SMYD3: variants seen among roughly 807,000 people sequenced by gnomAD.
The protein encoded by SMYD3 is histone-lysine N-methyltransferase SMYD3.
Under a neutral mutation model 57.7 loss-of-function variants are expected in SMYD3, and 36 were observed. The observed-to-expected ratio is 0.62, with a 90% CI of 0.48 to 0.82. The LOEUF (loss-of-function observed/expected upper bound fraction) is 0.82. Among genes scored for constraint, SMYD3 ranks in the 40% least tolerant of loss-of-function variants. SMYD3 has a pLI of 0.00. For synonymous variants in SMYD3, 211 were observed against 195.0 expected (o/e 1.08, Z -0.68); for missense variants, 515 against 538.8 (o/e 0.96, Z 0.44).
At chr1:245,845,124 T>C (rs191637514) in intron 10 of SMYD3, among the ~76,000 whole-genome samples, 1 of 152,328 alleles carries the variant, frequency 6.6e-6, no homozygotes, top group Admixed American at 6.5e-5. Flanking sequence ...CCATATTTGA[T>C]ATACATAACT....
At chr1:245,773,155 C>CA (rs1406468923) in intron 10 of SMYD3, among the ~76,000 whole-genome samples, 11 of 133,834 alleles carry the variant, frequency 8.2e-5, no homozygotes, top group African/African-American at 3.1e-4. Flanking sequence ...CAAAAACAAA[C>CA]AAACAAAAAA....
At chr1:246,047,801 C>A (rs1035636786) in intron 5 of SMYD3, among the ~76,000 whole-genome samples, 1 of 151,652 alleles carries the variant, frequency 6.6e-6, no homozygotes, top group African/African-American at 2.4e-5. Flanking sequence ...GATCCTACCA[C>A]TGTACTCCAG....
chr1:246,336,581 T>C (rs1277178244), intron 2 of SMYD3, among the ~76,000 whole-genome samples: 2 of 152,126 alleles, frequency 1.3e-5, no homozygotes, highest in African/African-American at 2.4e-5. Context: ...ACAGAACATA[T>C]TAAAATTATG....
intron 10 of SMYD3, among the ~76,000 whole-genome samples, chr1:245,823,480 C>G (rs575905377): frequency 1.9e-4 from 29 of 152,220 alleles, no homozygotes; most frequent in African/African-American, 6.8e-4. Context: ...GTCAGCGCCG[C>G]GCACTACTGC....
intron 5 of SMYD3, among the ~76,000 whole-genome samples, chr1:246,077,544 AGAG>A (rs2060568967): frequency 6.7e-6 from 1 of 148,556 alleles, no homozygotes; most frequent in African/African-American, 2.5e-5. Flanking sequence ...TTTAAAAAAA[AGAG>A]AGAAGAGGAA....
intron 5 of SMYD3, among the ~76,000 whole-genome samples, chr1:246,142,030 C>T (rs1179095692): frequency 4.6e-5 from 7 of 152,180 alleles, no homozygotes; most frequent in South Asian, 2.1e-4. Context: ...CAGGCATCAC[C>T]GGCCTTGAAC....
intron 10 of SMYD3, among the ~76,000 whole-genome samples, chr1:245,766,748 T>C (rs1165620722): frequency 6.6e-6 from 1 of 152,148 alleles, no homozygotes; most frequent in African/African-American, 2.4e-5. Context: ...CTCCACTAAG[T>C]AGATGTCTGT....
chr1:246,189,716 A>G (rs1000010378), intron 5 of SMYD3, among the ~76,000 whole-genome samples: 1 of 152,178 alleles, frequency 6.6e-6, no homozygotes, highest in African/African-American at 2.4e-5. Context: ...AAATAAAGAA[A>G]GAGACCCCCT....
intron 5 of SMYD3, among the ~76,000 whole-genome samples, chr1:246,291,953 C>T (rs2064700320): frequency 6.6e-6 from 1 of 151,994 alleles, no homozygotes; most frequent in Non-Finnish European, 1.5e-5. Context: ...ACTTACTATC[C>T]AACACACCAG....
chr1:246,416,325 C>T (rs765140179), intron 1 of SMYD3, among the ~76,000 whole-genome samples: 2 of 152,144 alleles, frequency 1.3e-5, no homozygotes, highest in Non-Finnish European at 2.9e-5. Context: ...ATAAAGCATA[C>T]TTTCCCTGCA....
intron 5 of SMYD3, among the ~76,000 whole-genome samples, chr1:246,012,971 C>T (rs146720564): frequency 7.7e-4 from 117 of 152,276 alleles, no homozygotes; most frequent in Admixed American, 1.7e-3. Flanking sequence ...TACAAAAGAG[C>T]ATGCTCCATA....
At chr1:246,285,195 A>T (rs1407830920) in intron 5 of SMYD3, among the ~76,000 whole-genome samples, 1 of 152,134 alleles carries the variant, frequency 6.6e-6, no homozygotes, top group Non-Finnish European at 1.5e-5. Context: ...GCTCTCACTT[A>T]TGAGTGAGAA....
intron 5 of SMYD3, among the ~76,000 whole-genome samples, chr1:245,961,325 T>C (rs569110259): frequency 3.1e-4 from 47 of 152,226 alleles, no homozygotes; most frequent in Non-Finnish European, 6.0e-4. Context: ...TAAGTGAAGA[T>C]ATCTCGGTAA....
At chr1:246,029,359 T>C (rs2059627356) in intron 5 of SMYD3, among the ~76,000 whole-genome samples, 1 of 152,032 alleles carries the variant, frequency 6.6e-6, no homozygotes, top group Non-Finnish European at 1.5e-5. Context: ...GCAAATGATA[T>C]GAATAGAAAT....
chr1:246,019,744 G>A (rs1194070641), intron 5 of SMYD3, among the ~76,000 whole-genome samples: 1 of 151,826 alleles, frequency 6.6e-6, no homozygotes, highest in African/African-American at 2.4e-5. Flanking sequence ...ATCCTATAAG[G>A]CCAGTACCAA....
intron 5 of SMYD3, among the ~76,000 whole-genome samples, chr1:245,973,494 A>G (rs1266877672): frequency 1.3e-5 from 2 of 152,218 alleles, no homozygotes; most frequent in Non-Finnish European, 2.9e-5. Context: ...CAGGAGTTTT[A>G]TCACAAAAAA....
Position 246,232,055 on chromosome 1 carries a change from T to C in SMYD3, c.531+95146A>G, listed in dbSNP as rs146328514. Among the ~76,000 whole-genome samples, 5 of 152,240 alleles carry C rather than the reference T, an allele frequency of 3.3e-5. No individual in the cohort carries two copies. The East Asian group carries it at 9.7e-4, about 29-fold the overall frequency. On this transcript the variant is annotated intron_variant, in intron 5 of 11. Coordinates refer to ENST00000490107, the MANE Select transcript of SMYD3 (RefSeq NM_001167740.2). ...TTGCAGCACTTTGATCCTTTCCGAG[T>C]CTAACTTAAAAGCCATAGTTTTTAA...
intron 5 of SMYD3, chr1:246,035,557 A>G (rs9661158): frequency 0.55 from 83,309 of 152,078 alleles, 26,564 homozygotes; most frequent in East Asian, 0.96. Flanking sequence ...TAATTGGAAC[A>G]TCTTGTCACA....
At chr1:246,468,762 G>T (rs942328809) in intron 1 of SMYD3, among the ~76,000 whole-genome samples, 1 of 152,076 alleles carries the variant, frequency 6.6e-6, no homozygotes, top group Non-Finnish European at 1.5e-5. Flanking sequence ...GGTTGCTTGG[G>T]GTCAGGAGTT....
Sources: gnomAD v4.1 joint callset for allele counts (sites outside exome capture counted in the v4.1 genomes callset) on GRCh38, gnomAD v4.1.1 for gene constraint, MANE v1.5 for transcripts, NCBI Gene and HGNC (gene_info 2026-07-23, HGNC 2026-07-21) for gene names.